Variants in SNTG1 observed in about 807,000 individuals in gnomAD.
SNTG1 encodes gamma-1-syntrophin.
A neutral mutation model predicts 74.7 loss-of-function variants in SNTG1; 39 were observed. The observed-to-expected ratio is 0.52, with a 90% CI of 0.40 to 0.68. The LOEUF (loss-of-function observed/expected upper bound fraction) is 0.68. Among genes scored for constraint, SNTG1 ranks in the 30% least tolerant of loss-of-function variants. The pLI is 0.00. For missense variants in SNTG1, 685 were observed against 609.5 expected (o/e 1.12, Z -1.30); for synonymous variants, 254 against 217.1 (o/e 1.17, Z -1.49).
chr8:50,051,239 G>GACACAC (rs145739550), intron 1 of SNTG1, among the ~76,000 whole-genome samples: 18,878 of 147,058 alleles, frequency 0.13, 2,031 homozygotes, highest in African/African-American at 0.27. Context: ...AGAAAATCTT[G>GACACAC]ACACACACAC....
intron 18 of SNTG1, among the ~76,000 whole-genome samples, chr8:50,780,312 G>A (rs1240691500): frequency 6.6e-6 from 1 of 152,086 alleles, no homozygotes; most frequent in South Asian, 2.1e-4. Context: ...TGTAGAATTC[G>A]GCTGTGAATC....
chr8:50,464,309 A>G (rs1198431865), intron 8 of SNTG1, among the ~76,000 whole-genome samples: 1 of 152,134 alleles, frequency 6.6e-6, no homozygotes, highest in Non-Finnish European at 1.5e-5. Context: ...GAAGCCTACA[A>G]TTTGCCCTAT....
At chr8:50,392,309 G>C (rs1306674615) in intron 2 of SNTG1, among the ~76,000 whole-genome samples, 6 of 152,170 alleles carry the variant, frequency 3.9e-5, no homozygotes, top group African/African-American at 9.7e-5. Context: ...ATTTAGACAA[G>C]GTGTTCTGAT....
intron 1 of SNTG1, among the ~76,000 whole-genome samples, chr8:49,930,162 C>T (rs961487063): frequency 1.3e-5 from 2 of 151,804 alleles, no homozygotes; most frequent in Non-Finnish European, 2.9e-5. Flanking sequence ...AAAGAAGTCT[C>T]CCATGAACTT....
chr8:50,091,253 T>A (rs1025959351), intron 1 of SNTG1, among the ~76,000 whole-genome samples: 1 of 152,106 alleles, frequency 6.6e-6, no homozygotes, highest in Admixed American at 6.6e-5. Flanking sequence ...GAAATTTACA[T>A]AACGGTCTCG....
At chr8:50,073,919 G>T (rs1821596803) in intron 1 of SNTG1, among the ~76,000 whole-genome samples, 2 of 149,572 alleles carry the variant, frequency 1.3e-5, no homozygotes, top group South Asian at 2.2e-4. Context: ...CGGCTTTGTT[G>T]TTCCATTTCT....
chr8:50,499,916 G>C (rs1286444310), intron 8 of SNTG1, among the ~76,000 whole-genome samples: 3 of 151,956 alleles, frequency 2.0e-5, no homozygotes, highest in Non-Finnish European at 4.4e-5. Flanking sequence ...TGTTTGATTT[G>C]TTAAAATATT....
intron 4 of SNTG1, among the ~76,000 whole-genome samples, chr8:50,409,945 A>C (rs921250917): frequency 9.2e-5 from 14 of 152,326 alleles, no homozygotes; most frequent in African/African-American, 3.4e-4. Context: ...CAATACAATC[A>C]GTACCTCAGT....
chr8:50,502,561 G>T (rs796139171), intron 8 of SNTG1, among the ~76,000 whole-genome samples: 5 of 152,158 alleles, frequency 3.3e-5, no homozygotes, highest in African/African-American at 1.2e-4. Context: ...GATTCACGTT[G>T]TGTATAAACA....
intron 18 of SNTG1, among the ~76,000 whole-genome samples, chr8:50,760,494 A>G (rs1043913555): frequency 2.2e-4 from 33 of 152,034 alleles, no homozygotes; most frequent in African/African-American, 7.7e-4. Flanking sequence ...AATAGCTCTT[A>G]TTATTTTGAG....
chr8:50,099,124 ACT>A (rs1343990672), intron 1 of SNTG1, among the ~76,000 whole-genome samples: 1 of 152,152 alleles, frequency 6.6e-6, no homozygotes, highest in Non-Finnish European at 1.5e-5. Context: ...AAAATTTCAG[ACT>A]CTGTGTTACT....
intron 15 of SNTG1, among the ~76,000 whole-genome samples, chr8:50,686,929 A>C (rs200127535): frequency 6.6e-6 from 1 of 151,440 alleles, no homozygotes; most frequent in Non-Finnish European, 1.5e-5. Context: ...AGGTCAGGAG[A>C]TCGAGACCAT....
chr8:50,096,133 G>T (rs1416827299), intron 1 of SNTG1, among the ~76,000 whole-genome samples: 1 of 151,966 alleles, frequency 6.6e-6, no homozygotes, highest in Non-Finnish European at 1.5e-5. Flanking sequence ...CCTCTCCAAG[G>T]TCAGATGGCT....
intron 15 of SNTG1, among the ~76,000 whole-genome samples, chr8:50,674,613 A>T (rs2131362120): frequency 6.6e-6 from 1 of 151,814 alleles, no homozygotes; most frequent in East Asian, 1.9e-4. Context: ...TTTTCAAAAA[A>T]CCAGCACCTG....
rs1022230544 is a variant in SNTG1, at chr8:50,635,333, A to C, written c.850-21576A>C. 2.0e-5 allele frequency among the ~76,000 whole-genome samples: 3 copies of C among 152,204 alleles called. No homozygotes were observed. The East Asian group carries it at 5.8e-4, about 29-fold the overall frequency. ...CTCAAGGCCCTAGCACTCTACAATC[A>C]GTAGGTGGTGAGGTCAGCCAGCCTT... is the stretch of plus-strand genomic sequence containing the variant. On this transcript the variant is annotated intron_variant, in intron 13 of 18. Coordinates refer to ENST00000642720, the MANE Select transcript of SNTG1 (RefSeq NM_018967.5).
At chr8:50,565,689 C>T (rs1209311502) in intron 12 of SNTG1, among the ~76,000 whole-genome samples, 2 of 151,858 alleles carry the variant, frequency 1.3e-5, no homozygotes, top group African/African-American at 4.8e-5. Flanking sequence ...TCTCTGCCTT[C>T]GTGGAGCCAA....
At chr8:50,438,620 A>G (rs1407175928) in intron 5 of SNTG1, 21 bp downstream of exon 5, 2 of 1,601,280 alleles carry the variant, frequency 1.2e-6, no homozygotes, top group Admixed American at 1.7e-5. Flanking sequence ...TTTCTAGTCT[A>G]TCCTTACAAA....
chr8:50,382,667 T>A (rs2092508693), intron 2 of SNTG1, among the ~76,000 whole-genome samples: 1 of 152,204 alleles, frequency 6.6e-6, no homozygotes, highest in African/African-American at 2.4e-5. Flanking sequence ...AGAAATATGC[T>A]CTTTTAGTCA....
intron 1 of SNTG1, chr8:50,164,131 A>C (rs1381437728): frequency 8.5e-6 from 1 of 117,734 alleles, no homozygotes; most frequent in Non-Finnish European, 1.6e-5. Context: ...ATCTATCATC[A>C]TGGGCTTGCT....
Sources: gnomAD v4.1 joint callset for allele counts (sites outside exome capture counted in the v4.1 genomes callset) on GRCh38, gnomAD v4.1.1 for gene constraint, MANE v1.5 for transcripts, NCBI Gene and HGNC (gene_info 2026-07-23, HGNC 2026-07-21) for gene names.